The following PEX5L variants were observed in gnomAD, a reference collection of about 807,000 sequenced individuals.
The protein encoded by PEX5L is PEX5-related protein.
In PEX5L, 30 loss-of-function variants were observed where a neutral mutation model predicts 84.0. The ratio of observed to expected loss-of-function variants is 0.36; its 90% CI spans 0.27 to 0.48. The LOEUF is 0.48. Ranked by LOEUF, PEX5L falls within the 20% of genes least tolerant of loss-of-function variation. PEX5L has a pLI of 0.99. For missense variants in PEX5L, 533 were observed against 754.6 expected (o/e 0.71, Z 3.44); for synonymous variants, 270 against 283.1 (o/e 0.95, Z 0.46).
intron 1 of PEX5L, among the ~76,000 whole-genome samples, chr3:180,028,005 T>A (rs890813322): frequency 6.6e-6 from 1 of 152,236 alleles, no homozygotes; most frequent in African/African-American, 2.4e-5. Context: ...ACATGCTCCA[T>A]CTGTCCATTA....
rs1013974566 is a variant in PEX5L, at chr3:179,883,904, G to T, written c.310+3769C>A. ...ACAGCACTATAAGCATAGTCATGAT[G>T]CAAATAAATATTTATCGCTACTAGA... On this transcript the variant is annotated intron_variant, in intron 4 of 14. Coordinates refer to ENST00000467460, the MANE Select transcript of PEX5L (RefSeq NM_016559.3). Among the ~76,000 whole-genome samples the T allele has an allele frequency of 4.2e-4, 64 of 152,188 alleles. 1 individual carries two copies. The highest frequency in any genetic ancestry group is 1.5e-3 in the African/African-American group (64 of 41,454).
intron 12 of PEX5L, among the ~76,000 whole-genome samples, chr3:179,809,004 G>A (rs1038726218): frequency 7.0e-6 from 1 of 142,612 alleles, no homozygotes; most frequent in African/African-American, 2.5e-5. Flanking sequence ...AACCCGGGAG[G>A]CGGAGCTTGC....
chr3:179,850,160 C>A (rs1211726464), intron 8 of PEX5L, among the ~76,000 whole-genome samples: 1 of 150,578 alleles, frequency 6.6e-6, no homozygotes, highest in Non-Finnish European at 1.5e-5. Context: ...GAGTTTTGCT[C>A]TTGTTGCCCA....
At chr3:179,832,383 T>C (rs13088618) in intron 8 of PEX5L, among the ~76,000 whole-genome samples, 72,757 of 140,654 alleles carry the variant, frequency 0.52, 18,659 homozygotes, top group East Asian at 0.76. Flanking sequence ...TACCTACTTA[T>C]CCACCCACCA....
chr3:179,888,508 T>C (rs1298155842), intron 3 of PEX5L, among the ~76,000 whole-genome samples: 1 of 152,194 alleles, frequency 6.6e-6, no homozygotes, highest in Non-Finnish European at 1.5e-5. Context: ...TTAGTGGATC[T>C]CTAATTATCA....
intron 5 of PEX5L, among the ~76,000 whole-genome samples, chr3:179,876,331 T>C (rs533624769): frequency 1.3e-5 from 2 of 151,358 alleles, no homozygotes; most frequent in South Asian, 2.1e-4. Flanking sequence ...CTGTTTCTAC[T>C]AAATAAAAAA....
chr3:179,821,035 G>C (rs1728323813), intron 8 of PEX5L, among the ~76,000 whole-genome samples: 1 of 152,146 alleles, frequency 6.6e-6, no homozygotes, highest in Admixed American at 6.5e-5. Flanking sequence ...CCGGGAAATA[G>C]AAAGTGAATT....
chr3:180,027,332 T>C (rs1319135112), intron 1 of PEX5L, among the ~76,000 whole-genome samples: 1 of 152,182 alleles, frequency 6.6e-6, no homozygotes, highest in East Asian at 1.9e-4. Flanking sequence ...GTACTTTTTT[T>C]CCAACACATT....
intron 1 of PEX5L, among the ~76,000 whole-genome samples, chr3:180,006,295 T>A (rs1178606972): frequency 1.3e-5 from 2 of 152,190 alleles, no homozygotes; most frequent in Non-Finnish European, 2.9e-5. Flanking sequence ...TATTATTATT[T>A]TTTTTGCTAT....
intron 2 of PEX5L, among the ~76,000 whole-genome samples, chr3:179,925,654 G>A (rs1279980584): frequency 6.6e-6 from 1 of 152,052 alleles, no homozygotes; most frequent in Admixed American, 6.6e-5. Context: ...ATAATTTTGT[G>A]AATAGTGCTA....
chr3:180,005,098 A>T (rs1406819328), intron 1 of PEX5L, among the ~76,000 whole-genome samples: 1 of 152,198 alleles, frequency 6.6e-6, no homozygotes, highest in East Asian at 1.9e-4. Context: ...TTCTTATAAC[A>T]TATAGCAGGA....
At chr3:179,974,158 C>G in intron 1 of PEX5L, 1 of 985,484 alleles carries the variant, frequency 1.0e-6, no homozygotes, top group Non-Finnish European at 1.2e-6. Flanking sequence ...GCACTTTTGT[C>G]AAGCACAAAA....
chr3:180,018,458 A>G (rs536905416), intron 1 of PEX5L, among the ~76,000 whole-genome samples: 1 of 152,336 alleles, frequency 6.6e-6, no homozygotes, highest in Admixed American at 6.5e-5. Context: ...GGTTGGTGAT[A>G]TGGCCAGTCC....
At chr3:179,936,945 T>C (rs1774749723) in intron 2 of PEX5L, among the ~76,000 whole-genome samples, 1 of 39,070 alleles carries the variant, frequency 2.6e-5, no homozygotes, top group East Asian at 1.5e-3. Flanking sequence ...TTGCTACTCG[T>C]TTATATTCTA....
intron 8 of PEX5L, among the ~76,000 whole-genome samples, chr3:179,829,670 C>T (rs544027408): frequency 2.0e-5 from 3 of 152,208 alleles, no homozygotes; most frequent in East Asian, 1.9e-4. Flanking sequence ...TCTTTTCTCC[C>T]GTTTTCCTTT....
chr3:179,875,625 T>C, intron 5 of PEX5L, 148 bp from the exon 6 acceptor site: 2 of 591,526 alleles, frequency 3.4e-6, no homozygotes, highest in Non-Finnish European at 5.9e-6. Flanking sequence ...GGGAGCTTCA[T>C]TGAACCAATG....
chr3:179,854,125 C>T (rs539137165), intron 8 of PEX5L, among the ~76,000 whole-genome samples: 9 of 149,020 alleles, frequency 6.0e-5, no homozygotes, highest in African/African-American at 2.2e-4. Flanking sequence ...ACTAGGATTA[C>T]AGGCATGAGG....
intron 1 of PEX5L, among the ~76,000 whole-genome samples, chr3:179,996,775 G>A (rs191621502): frequency 9.2e-5 from 14 of 152,310 alleles, no homozygotes; most frequent in Middle Eastern, 3.4e-3. Context: ...CAGGAGCCAA[G>A]TGGCAGCTTT....
At chr3:179,968,107 T>C (rs920543337) in intron 2 of PEX5L, among the ~76,000 whole-genome samples, 1 of 152,174 alleles carries the variant, frequency 6.6e-6, no homozygotes, top group African/African-American at 2.4e-5. Flanking sequence ...TTACAATACA[T>C]GAACCTGTAA....
Sources: gnomAD v4.1 joint callset for allele counts (sites outside exome capture counted in the v4.1 genomes callset) on GRCh38, gnomAD v4.1.1 for gene constraint, MANE v1.5 for transcripts, NCBI Gene and HGNC (gene_info 2026-07-23, HGNC 2026-07-21) for gene names.